DENND4C: variants seen among roughly 807,000 people sequenced by gnomAD.
The protein encoded by DENND4C is DENN domain containing 4C, also known as DENN domain-containing protein 4C.
A neutral mutation model predicts 203.0 loss-of-function variants in DENND4C; 108 were observed. The ratio of observed to expected loss-of-function variants is 0.53; its 90% CI spans 0.46 to 0.62. The LOEUF is 0.62. DENND4C is among the 20% of genes least tolerant of loss of function. The pLI is 0.00. For missense variants in DENND4C, 2,481 were observed against 2,301.2 expected (o/e 1.08, Z -1.60); for synonymous variants, 871 against 792.4 (o/e 1.10, Z -1.67).
At chr9:19,285,897 A>T (rs549581571) in intron 2 of DENND4C, among the ~76,000 whole-genome samples, 2 of 152,230 alleles carry the variant, frequency 1.3e-5, no homozygotes, top group African/African-American at 4.8e-5. Context: ...TGGACACTCC[A>T]TTTTATTCTG....
chr9:19,315,533 ATG>A (rs1031834868), intron 10 of DENND4C, among the ~76,000 whole-genome samples: 1 of 150,990 alleles, frequency 6.6e-6, no homozygotes, highest in Non-Finnish European at 1.5e-5. Flanking sequence ...GTATATATGT[ATG>A]TGTATATATA....
chr9:19,316,777 G>T lies in DENND4C; in HGVS notation c.1745G>T (p.Arg582Ile), dbSNP rs1255575772. The change falls in exon 12 of 33, where the codon AGA (arginine) becomes ATA (isoleucine). Residue 582 changes from arginine to isoleucine, a missense_variant. Physicochemically the swap from Arg to Ile is moderately conservative, Grantham distance 97. Transcript: ENST00000434457. ...TTAAAAGGATATAGAACATATCTCA[G>T]ACCAATCACAGAGGCTCCTTCAAAT... ...SILKGYRTYLRPITEAPSNKA... is the reference protein window; with the variant it reads ...SILKGYRTYLIPITEAPSNKA... 1 of 1,613,884 alleles carries T rather than the reference G, an allele frequency of 6.2e-7. No homozygotes were observed. The highest frequency in any genetic ancestry group is 8.5e-7 in the Non-Finnish European group (1 of 1,179,992).
chr9:19,328,284 T>G, intron 16 of DENND4C, 122 bp downstream of exon 16: 1 of 1,048,618 alleles, frequency 9.5e-7, no homozygotes, highest in Non-Finnish European at 1.3e-6. Flanking sequence ...TTGGTTGTTA[T>G]TGAATTTAAC....
chr9:19,370,070 A>G, intron 31 of DENND4C, 83 bp downstream of exon 31: 2 of 1,509,460 alleles, frequency 1.3e-6, no homozygotes, highest in Non-Finnish European at 1.8e-6. Context: ...AAATATCTCT[A>G]GTTGTCGAAG....
At chr9:19,335,180 G>T in intron 18 of DENND4C, 75 bp downstream of exon 18, 1 of 1,097,870 alleles carries the variant, frequency 9.1e-7, no homozygotes, top group Non-Finnish European at 1.2e-6. Context: ...AGTTATTCAT[G>T]AAACTCCTAT....
intron 1 of DENND4C, among the ~76,000 whole-genome samples, chr9:19,275,024 T>C (rs1832586904): frequency 6.6e-6 from 1 of 152,216 alleles, no homozygotes; most frequent in South Asian, 2.1e-4. Flanking sequence ...TTGTCCAGGC[T>C]GGAGTGCAGT....
chr9:19,350,978 G>T lies in DENND4C; in HGVS notation c.4495+99G>T, dbSNP rs868209719. On this transcript the variant is annotated intron_variant, in intron 24 of 32. Coordinates refer to ENST00000434457, the MANE Select transcript of DENND4C (RefSeq NM_001330640.2). ...GGGTTTTGTCTTGTTGCCCAGGCTG[G>T]TCTCGAACTCCTGGGCTCAAGCAAT... 72 of 1,276,760 alleles carry T rather than the reference G, an allele frequency of 5.6e-5. 1 individual carries two copies. The South Asian group carries it at 1.1e-3, about 19-fold the overall frequency. 79.1% of individuals were successfully genotyped at this position (1,276,760 alleles called of 1,614,324 possible). A position where few individuals can be genotyped will look rare whatever the true frequency, so the allele number is the denominator to read the frequency against.
rs918935721 is a variant in DENND4C at position 19,358,541 on chromosome 9, C to CA, written c.5160+389dup. Among the ~76,000 whole-genome samples, 27 of 148,694 alleles carry CA rather than the reference C, an allele frequency of 1.8e-4. No individual in the cohort carries two copies. Among genetic ancestry groups the CA allele is most frequent in the East Asian group, 9.7e-4 (5 of 5,166 alleles). On this transcript the variant is annotated intron_variant, in intron 28 of 32. Coordinates refer to ENST00000434457, the MANE Select transcript of DENND4C (RefSeq NM_001330640.2). This position sits in a 1 kb window ranked among gnomAD's most constrained non-coding sequence, Gnocchi z 4.8. ...ATATAATCACACTGCTTTTATCATA[C>CA]AAAAAAAACCCCAAATAATAGTATC...
At position 19,290,767 on chromosome 9, in the gene DENND4C, C is replaced by G. The variant is rs1188548351; in HGVS notation, c.692C>G (p.Pro231Arg). 2 of 1,600,864 alleles carry G rather than the reference C, an allele frequency of 1.2e-6. No individual in the cohort carries two copies. Among genetic ancestry groups the G allele is most frequent in the African/African-American group, 1.3e-5 (1 of 74,476 alleles). ...ESFPLSESDV[P>R]LFCLPMGATI... ...TTTCCACTCTCAGAATCAGATGTAC[C>G]TCTTTTCTGCCTTCCTATGGGAGCT... Residue 231 changes from proline (P) to arginine (R), a missense_variant, in exon 5 of 33, where the codon CCT becomes CGT. Physicochemically the swap from Pro to Arg is moderately radical, Grantham distance 103. Transcript: ENST00000434457.
chr9:19,235,324 T>C (rs1169230622), intron 1 of DENND4C, among the ~76,000 whole-genome samples: 1 of 152,200 alleles, frequency 6.6e-6, no homozygotes, highest in East Asian at 1.9e-4. Flanking sequence ...TGCTACAATA[T>C]AGTATTTAAT....
At chr9:19,241,945 C>T (rs1823853433) in intron 1 of DENND4C, among the ~76,000 whole-genome samples, 1 of 151,984 alleles carries the variant, frequency 6.6e-6, no homozygotes, top group African/African-American at 2.4e-5. Flanking sequence ...AATCCCACTG[C>T]TTTGGGAATC....
intron 1 of DENND4C, 99 bp downstream of exon 1, chr9:19,230,932 C>T (rs894806674): frequency 3.9e-5 from 6 of 152,314 alleles, no homozygotes; most frequent in Non-Finnish European, 7.3e-5. Context: ...AGGTAGAGCC[C>T]GGAGGGCTGA....
In DENND4C at chr9:19,336,696, T is replaced by C. The variant is rs1366419976; in HGVS notation, c.2745T>C (p.Asn915=). ...SQVSSISALQ[N]VTGGSDGDTV... is the part of the protein sequence containing the mutation. ...TGTCCTTATCTTTAGCTCTTCAAAA[T>C]GTCACAGGTGGAAGTGATGGGGACA... is the stretch of plus-strand genomic sequence containing the variant. The change falls in exon 20 of 33, where the codon AAT becomes AAC. Residue 915 remains asparagine, a synonymous_variant. Transcript: ENST00000434457. 6.4e-7 allele frequency: 1 copy of C among 1,550,782 alleles called. No homozygotes were observed. Among genetic ancestry groups the C allele is most frequent in the Non-Finnish European group, 8.7e-7 (1 of 1,147,012 alleles).
intron 1 of DENND4C, among the ~76,000 whole-genome samples, chr9:19,233,958 C>G (rs1261867917): frequency 6.6e-6 from 1 of 152,150 alleles, no homozygotes; most frequent in African/African-American, 2.4e-5. Context: ...TTACTCTCCC[C>G]TATCTAACAC....
At chr9:19,231,658 C>T (rs565520341) in intron 1 of DENND4C, among the ~76,000 whole-genome samples, 75 of 151,822 alleles carry the variant, frequency 4.9e-4, no homozygotes, top group African/African-American at 1.8e-3. Flanking sequence ...CTCCTTCTCC[C>T]CTTATGTATG....
intron 1 of DENND4C, among the ~76,000 whole-genome samples, chr9:19,243,328 C>G (rs1824250226): frequency 6.6e-6 from 1 of 152,186 alleles, no homozygotes; most frequent in East Asian, 1.9e-4. Flanking sequence ...ATCACTCCTT[C>G]ATTCCTTTTT....
intron 10 of DENND4C, among the ~76,000 whole-genome samples, chr9:19,309,602 C>T (rs1840357617): frequency 6.6e-6 from 1 of 151,726 alleles, no homozygotes; most frequent in African/African-American, 2.4e-5. Flanking sequence ...ATGGTGAATC[C>T]CCTTACTCCT....
In DENND4C at chr9:19,324,403, A is replaced by T. The variant is rs1467557694; in HGVS notation, c.1849A>T (p.Thr617Ser). Residue 617 changes from threonine (T) to serine (S), a missense_variant, in exon 13 of 33, where the codon ACC becomes TCC. Coordinates refer to ENST00000434457, the MANE Select transcript of DENND4C (RefSeq NM_001330640.2). ...AGATCGTGCCTATGCAAAATTCTAT[A>T]CCCTTTTATCCAAAACACAGATTTT... ...SRDRAYAKFY[T>S]LLSKTQIFIR... 3 of 1,612,000 alleles carry T rather than the reference A, an allele frequency of 1.9e-6. No individual in the cohort carries two copies. Among genetic ancestry groups the T allele is most frequent in the Non-Finnish European group, 2.5e-6 (3 of 1,179,384 alleles).
intron 2 of DENND4C, among the ~76,000 whole-genome samples, chr9:19,278,958 A>G (rs1833477156): frequency 6.6e-6 from 1 of 152,190 alleles, no homozygotes. Context: ...GTATTGTCCA[A>G]AAGACCTGGA....
Sources: allele counts gnomAD v4.1 joint callset (sites outside exome capture counted in the v4.1 genomes callset), GRCh38; gene constraint gnomAD v4.1.1; non-coding constraint Gnocchi (gnomAD v3.1); transcripts MANE v1.5; gene names NCBI Gene and HGNC (gene_info 2026-07-23, HGNC 2026-07-21).